SCAI: variants seen among roughly 807,000 people sequenced by gnomAD.
SCAI encodes the protein protein SCAI.
A neutral mutation model predicts 92.2 loss-of-function variants in SCAI; 24 were observed. That is an observed-to-expected ratio of 0.26 (90% CI 0.19 to 0.37). The LOEUF (loss-of-function observed/expected upper bound fraction) is 0.37, where lower values mean the gene tolerates loss of function less well. Ranked by LOEUF, SCAI falls within the 10% of genes least tolerant of loss-of-function variation. The probability of loss-of-function intolerance (pLI) is 1.00; values close to 1 mark genes in which losing one functional copy is unlikely to be tolerated. For missense variants in SCAI, 450 were observed against 736.2 expected (o/e 0.61, Z 4.50); for synonymous variants, 261 against 258.6 (o/e 1.01, Z -0.09).
rs1357448432 is a variant in SCAI at position 124,944,222 on chromosome 9, G to C, written c.*8585C>G. ...AAATCAAGTTCTAGATTATTGTACT[G>C]AACCATTAGAAGGTCTTTTTAATGA... On this transcript the variant is annotated 3_prime_UTR_variant, in exon 18 of 18. Coordinates refer to ENST00000336505, the MANE Select transcript of SCAI (RefSeq NM_001144877.3). 1 of 151,430 alleles carries C rather than the reference G, an allele frequency of 6.6e-6. No individual in the cohort carries two copies. Among genetic ancestry groups the C allele is most frequent in the Non-Finnish European group, 1.5e-5 (1 of 67,950 alleles). 9.4% of individuals were successfully genotyped at this position (151,430 alleles called of 1,614,324 possible). A position where few individuals can be genotyped will look rare whatever the true frequency, so the allele number is the denominator to read the frequency against.
intron 17 of SCAI, among the ~76,000 whole-genome samples, chr9:124,961,949 C>T (rs550054114): frequency 9.2e-5 from 14 of 151,566 alleles, no homozygotes; most frequent in African/African-American, 3.1e-4. Context: ...ATCCTTTCCC[C>T]TCAGTGGCAC....
intron 3 of SCAI, among the ~76,000 whole-genome samples, chr9:125,039,400 A>AG (rs1411444174): frequency 4.0e-4 from 60 of 150,208 alleles, no homozygotes; most frequent in East Asian, 1.6e-3. Flanking sequence ...AAAAAAAAAA[A>AG]AAAAGAAAAG....
chr9:125,020,177 G>A (rs1832841314), intron 7 of SCAI, among the ~76,000 whole-genome samples: 1 of 151,408 alleles, frequency 6.6e-6, no homozygotes, highest in Admixed American at 6.6e-5. Context: ...ATTGAATACA[G>A]AATGCAATCA....
intron 3 of SCAI, among the ~76,000 whole-genome samples, chr9:125,036,788 A>C (rs1455401357): frequency 6.6e-6 from 1 of 152,204 alleles, no homozygotes; most frequent in African/African-American, 2.4e-5. Context: ...TATGCATATA[A>C]ATATGCTGTT....
chr9:125,101,353 A>C (rs1313079949), intron 2 of SCAI, among the ~76,000 whole-genome samples: 2 of 152,198 alleles, frequency 1.3e-5, no homozygotes, highest in Admixed American at 1.3e-4. Context: ...AACTCAGGCC[A>C]CAGTTTAAAT....
At chr9:125,130,141 C>T (rs1265519878) in intron 2 of SCAI, among the ~76,000 whole-genome samples, 1 of 152,022 alleles carries the variant, frequency 6.6e-6, no homozygotes, top group African/African-American at 2.4e-5. Context: ...TCAGGTGATC[C>T]GCCCGCCTCG....
intron 2 of SCAI, among the ~76,000 whole-genome samples, chr9:125,105,968 G>A (rs1452984062): frequency 6.7e-6 from 1 of 149,534 alleles, no homozygotes; most frequent in Non-Finnish European, 1.5e-5. Flanking sequence ...GTGGTGGTGC[G>A]GGCCTGTAGT....
At chr9:125,129,178 C>T (rs567125950) in intron 2 of SCAI, among the ~76,000 whole-genome samples, 2 of 151,984 alleles carry the variant, frequency 1.3e-5, no homozygotes, top group African/African-American at 2.4e-5. Context: ...GTGGCACTCA[C>T]GCCTGTAATC....
In SCAI at chr9:125,018,958, A is replaced by C; in HGVS notation, c.709-7T>G. On this transcript the variant is annotated splice_region_variant and splice_polypyrimidine_tract_variant and intron_variant, in intron 8 of 17. Transcript: ENST00000336505. ...ATACCATTACAGGATCCGCCTAAAG[A>C]AAAAAGCAATAAGAACTTAACGAAT... 6.2e-7 allele frequency: 1 copy of C among 1,610,646 alleles called. No individual in the cohort carries two copies. The highest frequency in any genetic ancestry group is 8.5e-7 in the Non-Finnish European group (1 of 1,178,944).
intron 2 of SCAI, among the ~76,000 whole-genome samples, chr9:125,135,181 A>G (rs1387791039): frequency 6.6e-6 from 1 of 152,196 alleles, no homozygotes; most frequent in Admixed American, 6.5e-5. Context: ...TAAAAGTTTT[A>G]AGGGGAAAAA....
intron 3 of SCAI, among the ~76,000 whole-genome samples, chr9:125,041,229 A>C (rs1259792938): frequency 3.3e-5 from 5 of 152,216 alleles, no homozygotes; most frequent in Admixed American, 6.5e-5. Context: ...TGTGGATATT[A>C]GTTTCCCACA....
At chr9:125,009,941 T>A (rs889614322) in intron 9 of SCAI, among the ~76,000 whole-genome samples, 8 of 152,016 alleles carry the variant, frequency 5.3e-5, no homozygotes, top group Admixed American at 4.6e-4. Context: ...ACGCCTGTAA[T>A]CCCAGCACTT....
chr9:125,026,780 C>A, intron 6 of SCAI, 32 bp downstream of exon 6: 2 of 1,080,974 alleles, frequency 1.9e-6, no homozygotes, highest in East Asian at 2.4e-5. Flanking sequence ...ATGTTTTATC[C>A]TCATCTTTCT....
At chr9:125,077,731 A>G (rs1004859182) in intron 2 of SCAI, among the ~76,000 whole-genome samples, 1 of 151,328 alleles carries the variant, frequency 6.6e-6, no homozygotes, top group Non-Finnish European at 1.5e-5. Context: ...TTATTTATTT[A>G]TTTTTGAGAT....
chr9:124,974,176 T>C (rs926614781), intron 15 of SCAI: 2 of 450,100 alleles, frequency 4.4e-6, no homozygotes, highest in African/African-American at 4.0e-5. Flanking sequence ...GCACAGTACC[T>C]GATAATAAAT....
intron 2 of SCAI, among the ~76,000 whole-genome samples, chr9:125,124,028 C>T (rs964261171): frequency 6.6e-6 from 1 of 152,158 alleles, no homozygotes; most frequent in African/African-American, 2.4e-5. Flanking sequence ...TCCAAAACAG[C>T]TGCCAAGTTT....
At chr9:124,990,402 T>C (rs914048306) in intron 14 of SCAI, among the ~76,000 whole-genome samples, 4 of 152,032 alleles carry the variant, frequency 2.6e-5, no homozygotes, top group Non-Finnish European at 5.9e-5. Flanking sequence ...GGCAGGAGAA[T>C]CGCTTGAACC....
chr9:125,143,009 T>G (rs1019374353), intron 1 of SCAI, among the ~76,000 whole-genome samples: 1 of 18,474 alleles, frequency 5.4e-5, no homozygotes. Context: ...CAAGCCCCCC[T>G]AGCCTCCCCT....
intron 2 of SCAI, among the ~76,000 whole-genome samples, chr9:125,116,971 C>T (rs1218760372): frequency 4.6e-5 from 7 of 152,084 alleles, no homozygotes; most frequent in African/African-American, 1.4e-4. Flanking sequence ...GTATCTGACA[C>T]GCTGCAAAGG....
Sources: gnomAD v4.1 joint callset for allele counts (sites outside exome capture counted in the v4.1 genomes callset) on GRCh38, gnomAD v4.1.1 for gene constraint, MANE v1.5 for transcripts, NCBI Gene and HGNC (gene_info 2026-07-23, HGNC 2026-07-21) for gene names.